Variants in PRDM16 observed in about 807,000 individuals in gnomAD.
PRDM16 encodes histone-lysine N-methyltransferase PRDM16.
Under a neutral mutation model 110.6 loss-of-function variants are expected in PRDM16, and 23 were observed. The observed-to-expected ratio is 0.21, with a 90% CI of 0.15 to 0.29. The LOEUF (loss-of-function observed/expected upper bound fraction) is 0.29, where lower values mean the gene tolerates loss of function less well. Among genes scored for constraint, PRDM16 ranks in the 10% least tolerant of loss-of-function variants. The pLI is 1.00. For synonymous variants in PRDM16, 799 were observed against 781.8 expected (o/e 1.02, Z -0.37); for missense variants, 1,615 against 1,794.3 (o/e 0.90, Z 1.81).
At chr1:3,098,699 G>A (rs1231134910) in intron 1 of PRDM16, among the ~76,000 whole-genome samples, 1 of 152,224 alleles carries the variant, frequency 6.6e-6, no homozygotes, top group Non-Finnish European at 1.5e-5. Flanking sequence ...AGGTCTACAC[G>A]GGGGTGCTGT....
At chr1:3,430,448 C>T (rs1638733769) in intron 14 of PRDM16, among the ~76,000 whole-genome samples, 4 of 152,230 alleles carry the variant, frequency 2.6e-5, no homozygotes, top group South Asian at 4.1e-4. Flanking sequence ...CCAGTGCCCA[C>T]GTCCTCGAGT....
At position 3,186,324 on chromosome 1, in the gene PRDM16, G is replaced by C. The variant is rs143467979; in HGVS notation, c.237G>C (p.Pro79=). 1 of 1,612,144 alleles carries C rather than the reference G, an allele frequency of 6.2e-7. No individual in the cohort carries two copies. The highest frequency in any genetic ancestry group is 8.5e-7 in the Non-Finnish European group (1 of 1,179,730). ...CTGTCTACATTCCTGAAGACATTCC[G>C]ATCCCAGCAGACTTCGAGCTCCGAG... ...EAPVYIPEDI[P]IPADFELRES... The change falls in exon 2 of 17, where the codon CCG becomes CCC. Residue 79 remains proline (P), a synonymous_variant. Coordinates refer to ENST00000270722, the MANE Select transcript of PRDM16 (RefSeq NM_022114.4).
At chr1:3,096,497 C>T (rs1642403534) in intron 1 of PRDM16, among the ~76,000 whole-genome samples, 1 of 152,194 alleles carries the variant, frequency 6.6e-6, no homozygotes, top group Non-Finnish European at 1.5e-5. Flanking sequence ...CGAATCCACA[C>T]CTTGTGGCTG....
At chr1:3,305,015 C>A (rs1198253152) in intron 3 of PRDM16, among the ~76,000 whole-genome samples, 10 of 152,272 alleles carry the variant, frequency 6.6e-5, no homozygotes, top group Admixed American at 2.0e-4. Context: ...TCTGACCAAT[C>A]GAGTGAACTG....
intron 3 of PRDM16, among the ~76,000 whole-genome samples, chr1:3,338,338 G>A (rs1042934600): frequency 2.6e-5 from 4 of 152,230 alleles, no homozygotes; most frequent in African/African-American, 7.2e-5. Flanking sequence ...CTCCTCTGGG[G>A]CCCAATTCGA....
chr1:3,142,888 G>A (rs908844883), intron 1 of PRDM16, among the ~76,000 whole-genome samples: 6 of 152,316 alleles, frequency 3.9e-5, no homozygotes, highest in South Asian at 4.1e-4. Flanking sequence ...GCAAGGGACC[G>A]GCATGGCTGG....
At chr1:3,211,870 G>T (rs1421965626) in intron 2 of PRDM16, among the ~76,000 whole-genome samples, 1 of 152,260 alleles carries the variant, frequency 6.6e-6, no homozygotes, top group Non-Finnish European at 1.5e-5. Context: ...CCCGGCGTGA[G>T]TGTGTGGGTG....
At chr1:3,259,753 G>A (rs1640122481) in intron 3 of PRDM16, among the ~76,000 whole-genome samples, 1 of 152,122 alleles carries the variant, frequency 6.6e-6, no homozygotes, top group South Asian at 2.1e-4. Context: ...CCCAAGCAAG[G>A]GACTTCTGCG....
chr1:3,386,094 G>A (rs1230470391), intron 4 of PRDM16, among the ~76,000 whole-genome samples: 1 of 152,194 alleles, frequency 6.6e-6, no homozygotes, highest in Admixed American at 6.5e-5. Flanking sequence ...CTCAAGCCAG[G>A]CCTCCCGGGC....
At chr1:3,393,935 C>T (rs189868443) in intron 4 of PRDM16, among the ~76,000 whole-genome samples, 1,976 of 152,292 alleles carry the variant, frequency 0.013, 21 homozygotes, top group South Asian at 0.037. Context: ...ATGGCCAAGG[C>T]GCCCTCCTCC....
chr1:3,194,949 G>A (rs1039647536), intron 2 of PRDM16, among the ~76,000 whole-genome samples: 7 of 152,222 alleles, frequency 4.6e-5, no homozygotes, highest in African/African-American at 7.2e-5. Context: ...AGAGTTCTGC[G>A]TGAGGCCAGG....
intron 1 of PRDM16, among the ~76,000 whole-genome samples, chr1:3,100,465 G>T (rs1249930434): frequency 1.3e-5 from 2 of 152,106 alleles, no homozygotes; most frequent in Non-Finnish European, 2.9e-5. Flanking sequence ...GGGGTGTGGG[G>T]CAGGTGAGCT....
At chr1:3,071,057 G>A (rs1244432817) in intron 1 of PRDM16, among the ~76,000 whole-genome samples, 2 of 152,272 alleles carry the variant, frequency 1.3e-5, no homozygotes, top group African/African-American at 4.8e-5. Flanking sequence ...GGTTCTGTGT[G>A]TGCACCGCGG....
At chr1:3,304,460 C>T (rs1017971214) in intron 3 of PRDM16, among the ~76,000 whole-genome samples, 6 of 152,234 alleles carry the variant, frequency 3.9e-5, no homozygotes, top group East Asian at 3.8e-4. Flanking sequence ...CCGTTTTATA[C>T]GAACAATGAA....
chr1:3,403,506 G>T (rs1489502784), intron 6 of PRDM16, among the ~76,000 whole-genome samples: 2 of 152,212 alleles, frequency 1.3e-5, no homozygotes, highest in Non-Finnish European at 2.9e-5. Flanking sequence ...AGCCAGAAGG[G>T]GTCACCCCTA....
chr1:3,333,325 G>A (rs537401023), intron 3 of PRDM16, among the ~76,000 whole-genome samples: 2 of 152,252 alleles, frequency 1.3e-5, no homozygotes, highest in African/African-American at 4.8e-5. Flanking sequence ...GAAAGCACAG[G>A]GCCTTGTGTG....
chr1:3,191,679 C>T (rs984814648), intron 2 of PRDM16, among the ~76,000 whole-genome samples: 1 of 152,204 alleles, frequency 6.6e-6, no homozygotes, highest in Non-Finnish European at 1.5e-5. Flanking sequence ...CTCTTCTGTT[C>T]CTGAGTGGGA....
chr1:3,406,892 G>T (rs1256996003), intron 8 of PRDM16, among the ~76,000 whole-genome samples: 2 of 152,326 alleles, frequency 1.3e-5, no homozygotes, highest in Non-Finnish European at 2.9e-5. Flanking sequence ...CCGAGTCATC[G>T]CTTCCCAAGC....
At chr1:3,300,191 T>G (rs56276321) in intron 3 of PRDM16, among the ~76,000 whole-genome samples, 5 of 94,254 alleles carry the variant, frequency 5.3e-5, no homozygotes, top group Admixed American at 1.4e-4. Flanking sequence ...ACTCTGCCCT[T>G]GTTGAAGATG....
Sources: allele counts gnomAD v4.1 joint callset (sites outside exome capture counted in the v4.1 genomes callset), GRCh38; gene constraint gnomAD v4.1.1; transcripts MANE v1.5; gene names NCBI Gene and HGNC (gene_info 2026-07-23, HGNC 2026-07-21).